Variants in SLC7A7 observed in about 807,000 individuals in gnomAD.
SLC7A7 encodes the protein solute carrier family 7 member 7.
Under a neutral mutation model 47.9 loss-of-function variants are expected in SLC7A7, and 39 were observed. The ratio of observed to expected loss-of-function variants is 0.81; its 90% CI spans 0.63 to 1.06. The LOEUF (loss-of-function observed/expected upper bound fraction) is 1.06. Among genes scored for constraint, SLC7A7 ranks in the 50% least tolerant of loss-of-function variants. The probability of loss-of-function intolerance (pLI) is 0.00; values close to 1 mark genes in which losing one functional copy is unlikely to be tolerated. For missense variants in SLC7A7, 588 were observed against 632.0 expected (o/e 0.93, Z 0.75); for synonymous variants, 234 against 242.8 (o/e 0.96, Z 0.34).
rs371777681 is a variant in SLC7A7 at position 22,789,659 on chromosome 14, G to A, written c.500-9608C>T. Among the ~76,000 whole-genome samples, 22 of 150,262 alleles carry A rather than the reference G, an allele frequency of 1.5e-4. No individual in the cohort carries two copies. In the East Asian group the frequency reaches 3.7e-3, roughly 25 times the overall value. ...AAAAAAAAAAAAGAAAAAAGTTGCAGACAGAATGAAGATTGCTAATCAAGT... is the reference window on the plus strand; with the variant it reads ...AAAAAAAAAAAAGAAAAAAGTTGCAAACAGAATGAAGATTGCTAATCAAGT... On this transcript the variant is annotated intron_variant, in intron 2 of 9. Coordinates refer to ENST00000674313, the MANE Select transcript of SLC7A7 (RefSeq NM_003982.4).
At chr14:22,806,187 CTTTTTTTT>C (rs77783824) in intron 2 of SLC7A7, among the ~76,000 whole-genome samples, 4 of 78,278 alleles carry the variant, frequency 5.1e-5, no homozygotes, top group Non-Finnish European at 7.0e-5. Flanking sequence ...ACATCAATCT[CTTTTTTTT>C]TTTTTTTTTT....
At chr14:22,802,895 C>G (rs180843116) in intron 2 of SLC7A7, among the ~76,000 whole-genome samples, 1 of 152,158 alleles carries the variant, frequency 6.6e-6, no homozygotes, top group East Asian at 1.9e-4. Flanking sequence ...CCCCATGCAC[C>G]CCCACACCCC....
intron 1 of SLC7A7, chr14:22,815,023 G>A (rs1261676620): frequency 1.5e-5 from 4 of 275,478 alleles, no homozygotes; most frequent in Non-Finnish European, 2.2e-5. Context: ...GCGATCCAAT[G>A]TACCATAAAA....
rs1181194623 is a variant in SLC7A7, at chr14:22,813,205, T to C, written c.194A>G (p.Tyr65Cys). ...IFVSPKGVLI[Y>C]SASFGLSLVI... ...CAGAGAGAGACCAAAGGAGGCACTG[T>C]ATATGAGCACACCCTTGGGGGAAAC... The change falls in exon 2 of 10, where the codon TAC (tyrosine) becomes TGC (cysteine). Residue 65 changes from tyrosine (Y) to cysteine (C), a missense_variant. Tyr to Cys is a radical substitution (Grantham distance 194, BLOSUM62 -2). Transcript: ENST00000674313. 1 of 1,614,138 alleles carries C rather than the reference T, an allele frequency of 6.2e-7. No homozygotes were observed. Among genetic ancestry groups the C allele is most frequent in the Non-Finnish European group, 8.5e-7 (1 of 1,180,016 alleles).
rs386833804 is a variant in SLC7A7 at position 22,773,991 on chromosome 14, G to C, written c.1371C>G (p.Tyr457Ter). Residue 457 changes from tyrosine to a stop codon, truncating the protein, a stop_gained, in exon 9 of 10, where the codon TAC (tyrosine) becomes TAG (stop). Transcript: ENST00000674313. LOFTEE classifies it high-confidence loss of function. ...GTTCTGGCACTCTGATGATGAGGAA[G>C]TAAAAGGGCAGGCCTGAGAGGGCAA... ...IAIALSGLPFYFLIIRVPEHK... is the reference protein window; with the variant it reads ...IAIALSGLPF 6.2e-7 allele frequency: 1 copy of C among 1,614,236 alleles called. No individual in the cohort carries two copies.
At chr14:22,815,858 T>A (rs1018804302), upstream of SLC7A7, 3 of 366,244 alleles carry the variant, frequency 8.2e-6, no homozygotes, top group Admixed American at 6.9e-5. Flanking sequence ...GGGAGGAAGG[T>A]TGCACAGTGT....
At chr14:22,789,254 C>G (rs562878597) in intron 2 of SLC7A7, among the ~76,000 whole-genome samples, 1 of 152,102 alleles carries the variant, frequency 6.6e-6, no homozygotes, top group Non-Finnish European at 1.5e-5. Flanking sequence ...TAATGGCCCC[C>G]CAAAGATGTC....
chr14:22,775,392 C>T, intron 7 of SLC7A7, 52 bp downstream of exon 7: 1 of 1,420,444 alleles, frequency 7.0e-7, no homozygotes, highest in African/African-American at 1.4e-5. Flanking sequence ...TCTGCTGTTA[C>T]TAAAGTTTCC....
At chr14:22,815,739 A>G (rs756371839), upstream of SLC7A7, 19 of 450,838 alleles carry the variant, frequency 4.2e-5, no homozygotes, top group Non-Finnish European at 8.5e-5. Flanking sequence ...AGAGCAAGTT[A>G]GCTGAGGACA....
At chr14:22,789,413 A>G (rs756351151) in intron 2 of SLC7A7, among the ~76,000 whole-genome samples, 3 of 152,116 alleles carry the variant, frequency 2.0e-5, no homozygotes, top group Non-Finnish European at 4.4e-5. Flanking sequence ...GAGGTCAGGA[A>G]TTCTAACCAA....
upstream of SLC7A7, chr14:22,815,622 G>T (rs1016003700): frequency 2.2e-6 from 1 of 453,948 alleles, no homozygotes; most frequent in African/African-American, 2.0e-5. Context: ...GTGATAAGAA[G>T]GTGCTCTCTC....
At chr14:22,818,580 TTG>T (rs201869927), upstream of SLC7A7, among the ~76,000 whole-genome samples, 1,129 of 115,422 alleles carry the variant, frequency 9.8e-3, 14 homozygotes, top group Non-Finnish European at 0.011. Flanking sequence ...CCCCAGGTTT[TTG>T]GTTTTTTTTT....
chr14:22,790,998 C>A (rs375696184), intron 2 of SLC7A7, among the ~76,000 whole-genome samples: 2,759 of 112,010 alleles, frequency 0.025, no homozygotes, highest in African/African-American at 0.027. Flanking sequence ...CTCCGTCTCA[C>A]AAAAAAAAAA....
chr14:22,806,118 CAAAAAAAAA>C (rs753674829), intron 2 of SLC7A7, among the ~76,000 whole-genome samples: 1 of 66,210 alleles, frequency 1.5e-5, no homozygotes, highest in African/African-American at 6.8e-5. Context: ...GACTCTGTCT[CAAAAAAAAA>C]AAAAAAAAAA....
chr14:22,786,752 T>G (rs1311223037), intron 2 of SLC7A7, among the ~76,000 whole-genome samples: 1 of 151,804 alleles, frequency 6.6e-6, no homozygotes, highest in African/African-American at 2.4e-5. Flanking sequence ...TGGGCAACAT[T>G]GTGAGAACAC....
chr14:22,782,939 A>ATTT (rs34783556), intron 2 of SLC7A7, among the ~76,000 whole-genome samples: 2 of 143,322 alleles, frequency 1.4e-5, no homozygotes, highest in African/African-American at 2.6e-5. Context: ...ATTTGTTTTA[A>ATTT]TTTTTTTTTT....
At chr14:22,804,958 G>A (rs553671685) in intron 2 of SLC7A7, among the ~76,000 whole-genome samples, 2 of 152,328 alleles carry the variant, frequency 1.3e-5, no homozygotes, top group South Asian at 4.1e-4. Flanking sequence ...ATTGAGCCGA[G>A]ATTGTGCCAT....
rs1219626541 is a variant in SLC7A7, at chr14:22,774,080, T to G, written c.1282A>C (p.Thr428Pro). 2 of 1,613,844 alleles carry G rather than the reference T, an allele frequency of 1.2e-6. No individual in the cohort carries two copies. Among genetic ancestry groups the G allele is most frequent in the Non-Finnish European group, 1.7e-6 (2 of 1,180,004 alleles). Residue 428 changes from threonine (T) to proline (P), a missense_variant, in exon 9 of 10, where the codon ACC becomes CCC. By Grantham distance (38) the Thr-to-Pro change is conservative. Transcript: ENST00000674313. ...VFFPIVFCLC[T>P]IFLVAVPLYS... ...AGTGGAACAGCCACCAGGAAGATGG[T>G]GCAGAGGCAGAAGACAATCGGGAAG...
At chr14:22,818,608 G>GT (rs35509044), upstream of SLC7A7, among the ~76,000 whole-genome samples, 36,821 of 140,220 alleles carry the variant, frequency 0.26, 5,888 homozygotes, top group East Asian at 0.54. Flanking sequence ...TGGTTTTTGG[G>GT]TTTTTTTTAC....
Sources: allele counts gnomAD v4.1 joint callset (sites outside exome capture counted in the v4.1 genomes callset), GRCh38; gene constraint gnomAD v4.1.1; transcripts MANE v1.5; gene names NCBI Gene and HGNC (gene_info 2026-07-23, HGNC 2026-07-21).